Variants in PLEKHH2 observed in about 807,000 individuals in gnomAD.
PLEKHH2 encodes pleckstrin homology domain-containing family H member 2.
PLEKHH2 carries 129 observed loss-of-function variants against 187.9 expected under a neutral mutation model. That is an observed-to-expected ratio of 0.69 (90% CI 0.59 to 0.79). The LOEUF (loss-of-function observed/expected upper bound fraction) is 0.79, where lower values mean the gene tolerates loss of function less well. Among genes scored for constraint, PLEKHH2 ranks in the 30% least tolerant of loss-of-function variants. The pLI, the probability that PLEKHH2 is intolerant of heterozygous loss-of-function variation, is 0.00. For synonymous variants in PLEKHH2, 686 were observed against 605.6 expected (o/e 1.13, Z -1.95); for missense variants, 2,076 against 1,751.2 (o/e 1.19, Z -3.31).
intron 14 of PLEKHH2, chr2:43,711,363 A>T (rs1010275680): frequency 1.0e-6 from 1 of 985,308 alleles, no homozygotes; most frequent in Non-Finnish European, 1.2e-6. Flanking sequence ...GTTAAGAATC[A>T]TTTGTAAGTT....
intron 2 of PLEKHH2, among the ~76,000 whole-genome samples, chr2:43,654,564 CT>C (rs35454431): frequency 0.026 from 3,250 of 126,442 alleles, 51 homozygotes; most frequent in South Asian, 0.065. Flanking sequence ...AACTCCTTAA[CT>C]TTTTTTTTTT....
chr2:43,712,065 A>G (rs1013293343), intron 14 of PLEKHH2, 160 bp from the exon 15 acceptor site: 1 of 1,284,488 alleles, frequency 7.8e-7, no homozygotes. Context: ...TGGTTAAAAT[A>G]TTCTAACTGA....
chr2:43,692,252 C>T (rs903125169), intron 3 of PLEKHH2: 4 of 246,410 alleles, frequency 1.6e-5, no homozygotes, highest in South Asian at 7.7e-5. Flanking sequence ...ATATTGTCAT[C>T]GCTCTAGGAA....
chr2:43,720,527 C>T (rs1572616670), intron 15 of PLEKHH2, 142 bp from the exon 16 acceptor site: 10 of 1,316,682 alleles, frequency 7.6e-6, no homozygotes, highest in East Asian at 2.6e-5. Context: ...ACATCTTAAA[C>T]AGCACTGGAC....
intron 17 of PLEKHH2, among the ~76,000 whole-genome samples, chr2:43,728,764 G>T (rs1466593799): frequency 6.6e-6 from 1 of 151,896 alleles, no homozygotes; most frequent in African/African-American, 2.4e-5. Context: ...GTTTCACCAT[G>T]TTGGCCAGGC....
chr2:43,717,070 A>C (rs1267652533), intron 15 of PLEKHH2, among the ~76,000 whole-genome samples: 1 of 152,186 alleles, frequency 6.6e-6, no homozygotes, highest in African/African-American at 2.4e-5. Flanking sequence ...GGGGACTGAT[A>C]AGCTAGAATA....
At chr2:43,669,662 A>T (rs1667402305) in intron 2 of PLEKHH2, among the ~76,000 whole-genome samples, 1 of 152,182 alleles carries the variant, frequency 6.6e-6, no homozygotes, top group South Asian at 2.1e-4. Flanking sequence ...GAATGGATAA[A>T]CTCAACACAT....
At chr2:43,729,799 C>T (rs1261007582) in intron 18 of PLEKHH2, 54 bp downstream of exon 18, 133 of 1,255,730 alleles carry the variant, frequency 1.1e-4, no homozygotes, top group Non-Finnish European at 1.4e-4. Context: ...TGGACCTCAA[C>T]CCGCTTAGCC....
At chr2:43,649,043 T>A (rs1308724323) in intron 2 of PLEKHH2, among the ~76,000 whole-genome samples, 3 of 152,330 alleles carry the variant, frequency 2.0e-5, no homozygotes, top group Middle Eastern at 3.4e-3. Context: ...TTAGAAAAGT[T>A]GTTTTGCACC....
In PLEKHH2 at chr2:43,743,980, A is replaced by G. The variant is rs1419548195; in HGVS notation, c.3546A>G (p.Gly1182=). ...GAGATTTAGAGCATTGTCTTCAAGGAAACATCAAGGTGAAACCAAGTCCTT... is the reference window on the plus strand; with the variant it reads ...GAGATTTAGAGCATTGTCTTCAAGGGAACATCAAGGTGAAACCAAGTCCTT... ...SGRDLEHCLQ[G]NIKICDIISK... The change falls in exon 23 of 30, where the codon GGA becomes GGG. Residue 1182 remains glycine (G), a synonymous_variant. Transcript: ENST00000282406. 6.2e-7 allele frequency: 1 copy of G among 1,613,682 alleles called. No individual in the cohort carries two copies. The highest frequency in any genetic ancestry group is 1.7e-5 in the Admixed American group (1 of 60,032).
rs370291511 is a variant in PLEKHH2, at chr2:43,676,262, C to T, written c.124-2601C>T. The T allele has an allele frequency of 4.0e-5, 65 of 1,613,442 alleles. No homozygotes were observed. The highest frequency in any genetic ancestry group is 5.1e-5 in the Non-Finnish European group (60 of 1,179,790). On this transcript the variant is annotated intron_variant, in intron 2 of 29. Transcript: ENST00000282406. ...ATTTGGCCAAACATAGTTATCAAAA[C>T]CCAGGAAATGCTCCCAAGCAACATA...
chr2:43,641,130 G>A (rs887500214), intron 1 of PLEKHH2, among the ~76,000 whole-genome samples: 9 of 151,766 alleles, frequency 5.9e-5, no homozygotes, highest in South Asian at 2.1e-4. Context: ...TTTTTTTATC[G>A]TTGAGTCCTA....
intron 24 of PLEKHH2, among the ~76,000 whole-genome samples, chr2:43,746,171 TA>T (rs1345011957): frequency 6.6e-6 from 1 of 152,244 alleles, no homozygotes; most frequent in Non-Finnish European, 1.5e-5. Flanking sequence ...CATAAAGAAT[TA>T]TATTTTATGA....
chr2:43,725,211 G>T (rs1670683142), intron 16 of PLEKHH2, among the ~76,000 whole-genome samples: 1 of 152,164 alleles, frequency 6.6e-6, no homozygotes, highest in Non-Finnish European at 1.5e-5. Context: ...CACATAGGCT[G>T]ACTGTTAGTC....
intron 22 of PLEKHH2, 48 bp downstream of exon 22, chr2:43,742,966 C>A: frequency 2.2e-6 from 3 of 1,377,416 alleles, no homozygotes; most frequent in Non-Finnish European, 1.9e-6. Context: ...CTATGTACAA[C>A]CTCTGTTATA....
chr2:43,692,752 T>C, intron 4 of PLEKHH2, 89 bp downstream of exon 4: 1 of 1,382,388 alleles, frequency 7.2e-7, no homozygotes, highest in South Asian at 1.3e-5. Flanking sequence ...TAAATTTCTA[T>C]ATTTGGGGAG....
intron 16 of PLEKHH2, among the ~76,000 whole-genome samples, chr2:43,721,325 A>G: frequency 6.6e-6 from 1 of 152,182 alleles, no homozygotes; most frequent in East Asian, 1.9e-4. Flanking sequence ...TCACCTTTGG[A>G]TAACTGAAGC....
intron 2 of PLEKHH2, chr2:43,675,727 A>C (rs747757828): frequency 6.2e-7 from 1 of 1,613,922 alleles, no homozygotes; most frequent in Non-Finnish European, 8.5e-7. Flanking sequence ...AGAGTTATCG[A>C]GAAGTCTGTT....
In PLEKHH2 at chr2:43,759,002, C is replaced by T; in HGVS notation, c.4044C>T (p.Phe1348=). 6.2e-7 allele frequency: 1 copy of T among 1,612,636 alleles called. No homozygotes were observed. The highest frequency in any genetic ancestry group is 8.5e-7 in the Non-Finnish European group (1 of 1,178,960). ...IYLTVARKWP[F]FGAKLFLAKP... ...TGACAGTAGCCAGGAAGTGGCCATT[C>T]TTTGGTGCCAAGTTGTTTCTTGCAA... Residue 1348 remains phenylalanine (F), a synonymous_variant, in exon 27 of 30, where the codon TTC becomes TTT. Coordinates refer to ENST00000282406, the MANE Select transcript of PLEKHH2 (RefSeq NM_172069.4).
Sources: allele counts gnomAD v4.1 joint callset (sites outside exome capture counted in the v4.1 genomes callset), GRCh38; gene constraint gnomAD v4.1.1; transcripts MANE v1.5; gene names NCBI Gene and HGNC (gene_info 2026-07-23, HGNC 2026-07-21).